CATSPERQ: variants seen among roughly 807,000 people sequenced by gnomAD.
CATSPERQ encodes cation channel sperm-associated auxiliary subunit theta.
chr8:144,354,229 G>T, the CATSPERQ span: 1 of 1,545,250 alleles, frequency 6.5e-7, no homozygotes, highest in Admixed American at 2.0e-5. The surrounding 1 kb of genome is among the most constrained non-coding windows in gnomAD (Gnocchi z 4.6). Flanking sequence ...GGGCCCAGGG[G>T]CTCACACCTC....
chr8:144,354,259 A>T, the CATSPERQ span: 4 of 1,537,680 alleles, frequency 2.6e-6, no homozygotes, highest in South Asian at 4.8e-5. This position sits in a 1 kb window ranked among gnomAD's most constrained non-coding sequence, Gnocchi z 4.6. Context: ...GCTGAAGCTG[A>T]CCAGGACCAC....
the CATSPERQ span, chr8:144,353,467 G>C: frequency 1.3e-6 from 2 of 1,535,840 alleles, no homozygotes; most frequent in Non-Finnish European, 1.7e-6. Flanking sequence ...GAGGTGGCCA[G>C]GTAGTCGAAG....
chr8:144,354,479 G>A, the CATSPERQ span: 5 of 1,326,840 alleles, frequency 3.8e-6, 1 homozygote, highest in South Asian at 6.3e-5. This position sits in a 1 kb window ranked among gnomAD's most constrained non-coding sequence, Gnocchi z 4.6. Context: ...AGGAGCACCG[G>A]CCGGCCCCAC....
chr8:144,354,830 C>A, the CATSPERQ span: 1 of 1,507,294 alleles, frequency 6.6e-7, no homozygotes, highest in South Asian at 1.2e-5. This position sits in a 1 kb window ranked among gnomAD's most constrained non-coding sequence, Gnocchi z 4.6. Flanking sequence ...CTGCCCACAG[C>A]GGCACTCCTA....
the CATSPERQ span, chr8:144,354,554 C>CAACAG: frequency 1.1e-6 from 1 of 924,980 alleles, no homozygotes; most frequent in Non-Finnish European, 1.6e-6. The surrounding 1 kb of genome is among the most constrained non-coding windows in gnomAD (Gnocchi z 4.6). Flanking sequence ...GCCCGTCTCC[C>CAACAG]TCCTCCCCCG....
At chr8:144,354,517 C>T in the CATSPERQ span, 2 of 1,428,782 alleles carry the variant, frequency 1.4e-6, no homozygotes, top group South Asian at 1.4e-5. The surrounding 1 kb of genome is among the most constrained non-coding windows in gnomAD (Gnocchi z 4.6). Flanking sequence ...CCTCTGCCCA[C>T]CTGGCTCCGC....
At chr8:144,353,361 C>T in the CATSPERQ span, 4 of 1,529,280 alleles carry the variant, frequency 2.6e-6, no homozygotes, top group African/African-American at 1.4e-5. Flanking sequence ...CACCTCCAGG[C>T]TGGACTGAGA....
At chr8:144,353,606 C>G in the CATSPERQ span, 1 of 1,466,830 alleles carries the variant, frequency 6.8e-7, no homozygotes, top group Non-Finnish European at 9.1e-7. Context: ...CTTCCCCTAC[C>G]AGGCTGCATC....
At chr8:144,353,758 C>A in the CATSPERQ span, 1 of 1,534,894 alleles carries the variant, frequency 6.5e-7, no homozygotes, top group Non-Finnish European at 8.7e-7. Flanking sequence ...GAGGAGGGCG[C>A]GTGTCTGGGC....
At chr8:144,353,966 G>A in the CATSPERQ span, 20 of 1,533,328 alleles carry the variant, frequency 1.3e-5, no homozygotes, top group South Asian at 2.4e-4. Flanking sequence ...TCGGAGCTGA[G>A]CGCCAGGCGC....
At chr8:144,354,472 A>G in the CATSPERQ span, 6 of 1,312,032 alleles carry the variant, frequency 4.6e-6, no homozygotes, top group Non-Finnish European at 6.0e-6. This position sits in a 1 kb window ranked among gnomAD's most constrained non-coding sequence, Gnocchi z 4.6. Context: ...CGTCCCCAGG[A>G]GCACCGGCCG....
the CATSPERQ span, chr8:144,354,398 C>A: frequency 6.7e-7 from 1 of 1,487,540 alleles, no homozygotes. The surrounding 1 kb of genome is among the most constrained non-coding windows in gnomAD (Gnocchi z 4.6). Context: ...GGTGCCAAGG[C>A]TTGGCCCGGA....
At chr8:144,354,377 C>CCGGG in the CATSPERQ span, 1 of 1,515,900 alleles carries the variant, frequency 6.6e-7, no homozygotes, top group African/African-American at 1.4e-5. This position sits in a 1 kb window ranked among gnomAD's most constrained non-coding sequence, Gnocchi z 4.6. Flanking sequence ...CTGCCCGCAG[C>CCGGG]CGGGGGTGGC....
At chr8:144,354,044 G>A in the CATSPERQ span, 1 of 1,535,502 alleles carries the variant, frequency 6.5e-7, no homozygotes, top group Non-Finnish European at 8.7e-7. This position sits in a 1 kb window ranked among gnomAD's most constrained non-coding sequence, Gnocchi z 4.6. Flanking sequence ...TACACGCCGC[G>A]CGTGTGGTTC....
the CATSPERQ span, chr8:144,354,192 C>T: frequency 6.5e-7 from 1 of 1,544,172 alleles, no homozygotes; most frequent in Non-Finnish European, 8.7e-7. This position sits in a 1 kb window ranked among gnomAD's most constrained non-coding sequence, Gnocchi z 4.6. Flanking sequence ...CGGGGCCGGC[C>T]CTCAGGGGAG....
At chr8:144,354,556 C>T in the CATSPERQ span, 4 of 708,212 alleles carry the variant, frequency 5.6e-6, no homozygotes, top group Admixed American at 2.9e-5. This position sits in a 1 kb window ranked among gnomAD's most constrained non-coding sequence, Gnocchi z 4.6. Flanking sequence ...CCGTCTCCCT[C>T]CTCCCCCGCC....
chr8:144,354,916 G>A, the CATSPERQ span: 4 of 1,325,164 alleles, frequency 3.0e-6, no homozygotes, highest in South Asian at 1.5e-5. The surrounding 1 kb of genome is among the most constrained non-coding windows in gnomAD (Gnocchi z 4.6). Flanking sequence ...AGGGCAGCGA[G>A]GCCAGGGAGC....
chr8:144,354,571 C>CCCGAA, the CATSPERQ span: 1 of 736,472 alleles, frequency 1.4e-6, no homozygotes, highest in Non-Finnish European at 2.1e-6. The surrounding 1 kb of genome is among the most constrained non-coding windows in gnomAD (Gnocchi z 4.6). Context: ...CCCGCCCCGC[C>CCCGAA]CTTCCCAGCC....
At chr8:144,354,182 C>T in the CATSPERQ span, 15 of 1,541,262 alleles carry the variant, frequency 9.7e-6, no homozygotes, top group African/African-American at 2.7e-5. This position sits in a 1 kb window ranked among gnomAD's most constrained non-coding sequence, Gnocchi z 4.6. Flanking sequence ...CTGAGCGGCG[C>T]GGGGCCGGCC....
Sources: allele counts gnomAD v4.1 joint callset, GRCh38; gene constraint gnomAD v4.1.1; non-coding constraint Gnocchi (gnomAD v3.1); transcripts MANE v1.5; gene names NCBI Gene and HGNC (gene_info 2026-07-23, HGNC 2026-07-21).